Variants in PARVA observed in about 807,000 individuals in gnomAD.
PARVA encodes the protein alpha-parvin.
In PARVA, 25 loss-of-function variants were observed where a neutral mutation model predicts 52.6. That is an observed-to-expected ratio of 0.48 (90% CI 0.35 to 0.66). PARVA has a LOEUF of 0.66. Among genes scored for constraint, PARVA ranks in the 30% least tolerant of loss-of-function variants. PARVA has a pLI of 0.01. For synonymous variants in PARVA, 185 were observed against 179.1 expected (o/e 1.03, Z -0.26); for missense variants, 373 against 450.9 (o/e 0.83, Z 1.56).
At chr11:12,491,631 A>C (rs909084045) in intron 4 of PARVA, among the ~76,000 whole-genome samples, 1 of 152,220 alleles carries the variant, frequency 6.6e-6, no homozygotes, top group East Asian at 1.9e-4. Context: ...ACTACATATT[A>C]ATAAGAAATT....
intron 1 of PARVA, among the ~76,000 whole-genome samples, chr11:12,436,136 T>A (rs1324323442): frequency 6.6e-6 from 1 of 152,212 alleles, no homozygotes; most frequent in African/African-American, 2.4e-5. Flanking sequence ...TTTTTATTTG[T>A]AAAATAGATA....
intron 1 of PARVA, among the ~76,000 whole-genome samples, chr11:12,405,983 A>G (rs1216024053): frequency 6.6e-6 from 1 of 152,176 alleles, no homozygotes; most frequent in Non-Finnish European, 1.5e-5. Flanking sequence ...ATCATACTAT[A>G]TGTTCAATTA....
chr11:12,506,386 C>T (rs928142272), intron 6 of PARVA, among the ~76,000 whole-genome samples: 2 of 152,154 alleles, frequency 1.3e-5, no homozygotes, highest in Non-Finnish European at 2.9e-5. Context: ...TGTGACAAAT[C>T]CAGTCCAGTT....
At chr11:12,406,950 G>A (rs570570538) in intron 1 of PARVA, among the ~76,000 whole-genome samples, 2 of 152,190 alleles carry the variant, frequency 1.3e-5, no homozygotes, top group African/African-American at 2.4e-5. Context: ...GATTACAGGC[G>A]TGAGCCACCG....
chr11:12,448,096 A>G (rs1015146374), intron 1 of PARVA, among the ~76,000 whole-genome samples: 4 of 152,226 alleles, frequency 2.6e-5, no homozygotes, highest in East Asian at 3.8e-4. Context: ...ATAAATTACA[A>G]TTGAATCACG....
chr11:12,390,255 C>A (rs1278565417), intron 1 of PARVA, among the ~76,000 whole-genome samples: 2 of 152,182 alleles, frequency 1.3e-5, no homozygotes, highest in Non-Finnish European at 2.9e-5. Flanking sequence ...TCTGTCTTGG[C>A]TAGCATGGTT....
At chr11:12,496,374 G>A (rs1354725354) in intron 4 of PARVA, 84 bp from the exon 5 acceptor site, 8 of 1,399,736 alleles carry the variant, frequency 5.7e-6, no homozygotes, top group Non-Finnish European at 9.7e-7. Context: ...GTGCATGAGA[G>A]ACCGAATAAC....
At chr11:12,454,461 T>C in intron 1 of PARVA, among the ~76,000 whole-genome samples, 1 of 152,128 alleles carries the variant, frequency 6.6e-6, no homozygotes, top group South Asian at 2.1e-4. Context: ...TTTTTTCAGA[T>C]GGACATTATT....
intron 7 of PARVA, among the ~76,000 whole-genome samples, chr11:12,510,157 T>C (rs1381962512): frequency 6.6e-6 from 1 of 152,138 alleles, no homozygotes; most frequent in Non-Finnish European, 1.5e-5. Flanking sequence ...GAAGCCATGA[T>C]TACACCCCCT....
chr11:12,425,757 A>G (rs993299517), intron 1 of PARVA, among the ~76,000 whole-genome samples: 33 of 152,168 alleles, frequency 2.2e-4, no homozygotes, highest in African/African-American at 7.7e-4. Context: ...TTTGTTTAGC[A>G]AACAGAGTCC....
chr11:12,501,930 C>G (rs1044768255), intron 5 of PARVA, among the ~76,000 whole-genome samples: 1 of 152,046 alleles, frequency 6.6e-6, no homozygotes, highest in Non-Finnish European at 1.5e-5. Flanking sequence ...TATATTTTGC[C>G]ATTAAAGGGG....
chr11:12,443,359 A>AC (rs1198158896), intron 1 of PARVA, among the ~76,000 whole-genome samples: 1 of 149,742 alleles, frequency 6.7e-6, no homozygotes, highest in Non-Finnish European at 1.5e-5. Flanking sequence ...TTCAGTAGAG[A>AC]CGGGGTTTCA....
intron 1 of PARVA, among the ~76,000 whole-genome samples, chr11:12,437,388 C>A (rs1251998726): frequency 2.0e-5 from 3 of 152,248 alleles, no homozygotes; most frequent in Admixed American, 1.3e-4. Flanking sequence ...GCCTCCTAAG[C>A]CTCCTATCAC....
chr11:12,403,754 T>A (rs78586820), intron 1 of PARVA, among the ~76,000 whole-genome samples: 3,136 of 152,344 alleles, frequency 0.021, 117 homozygotes, highest in African/African-American at 0.072. Context: ...TAGTTTAGTT[T>A]CAAACTTTCA....
intron 1 of PARVA, among the ~76,000 whole-genome samples, chr11:12,390,368 CA>C (rs1180958426): frequency 6.6e-6 from 1 of 152,166 alleles, no homozygotes; most frequent in Non-Finnish European, 1.5e-5. Flanking sequence ...AAGCAGGGCA[CA>C]CCAGGTCTGT....
chr11:12,496,345 A>AGAGTGCATGCATGCAT (rs3833773), intron 4 of PARVA, 113 bp from the exon 5 acceptor site: 319,754 of 859,464 alleles, frequency 0.37, 70,573 homozygotes, highest in East Asian at 0.66. Flanking sequence ...TATTGTTGCA[A>AGAGTGCATGCATGCAT]GAGTGCATGC....
intron 1 of PARVA, among the ~76,000 whole-genome samples, chr11:12,442,856 G>C (rs571590310): frequency 7.8e-6 from 1 of 128,012 alleles, no homozygotes; most frequent in South Asian, 3.0e-4. Flanking sequence ...AATGTTTGCT[G>C]ACTTGACTTC....
At chr11:12,491,929 A>G (rs1009685728) in intron 4 of PARVA, among the ~76,000 whole-genome samples, 1 of 152,196 alleles carries the variant, frequency 6.6e-6, no homozygotes, top group African/African-American at 2.4e-5. Flanking sequence ...CTATGCCCAT[A>G]AAGCAAATCT....
At chr11:12,480,718 T>G (rs1589974276) in intron 4 of PARVA, 2 of 151,534 alleles carry the variant, frequency 1.3e-5, no homozygotes, top group South Asian at 4.2e-4. Context: ...GAACTTAAGT[T>G]TAGACCCTAA....
Sources: allele counts gnomAD v4.1 joint callset (sites outside exome capture counted in the v4.1 genomes callset), GRCh38; gene constraint gnomAD v4.1.1; transcripts MANE v1.5; gene names NCBI Gene and HGNC (gene_info 2026-07-23, HGNC 2026-07-21).